Variants in GINS4 observed in about 807,000 individuals in gnomAD.
GINS4 encodes DNA replication complex GINS protein SLD5.
In GINS4, 20 loss-of-function variants were observed where a neutral mutation model predicts 31.1. The observed-to-expected ratio is 0.64, with a 90% CI of 0.45 to 0.93. GINS4 has a LOEUF of 0.93. Among genes scored for constraint, GINS4 ranks in the 40% least tolerant of loss-of-function variants. GINS4 has a pLI of 0.00. For synonymous variants in GINS4, 85 were observed against 97.9 expected, an observed-to-expected ratio of 0.87 and a Z score of 0.78; for missense variants, 245 against 273.9, an observed-to-expected ratio of 0.89 and a Z score of 0.75.
Position 41,539,930 on chromosome 8 carries a change from C to T in GINS4, c.410C>T (p.Thr137Ile). Residue 137 changes from threonine to isoleucine, a missense_variant, in exon 6 of 8, where the codon ACA becomes ATA. Coordinates refer to ENST00000276533, the MANE Select transcript of GINS4 (RefSeq NM_032336.3). ...LAFAREFMAN[T>I]ESYLKNVALK... ...ATGTCTTTCAGGTTCATGGCGAACA[C>T]AGAGTCCTATCTGAAAAATGTCGCC... 1.2e-6 allele frequency: 2 copies of T among 1,614,130 alleles called. No individual in the cohort carries two copies. Among genetic ancestry groups the T allele is most frequent in the Non-Finnish European group, 1.7e-6 (2 of 1,179,960 alleles).
chr8:41,530,208 C>G lies in GINS4; in HGVS notation c.6C>G (p.Thr2=), dbSNP rs147814759. The change falls in exon 2 of 8, where the codon ACC becomes ACG. Residue 2 remains threonine (T), a synonymous_variant. Coordinates refer to ENST00000276533, the MANE Select transcript of GINS4 (RefSeq NM_032336.3). M[T]EEVDFLGQDS... Reference sequence around the variant, plus strand: ...GGTTCCTGGTTTCAGAGAAGATGACCGAAGAAGTGGATTTCCTGGGACAGG... The same window carrying G: ...GGTTCCTGGTTTCAGAGAAGATGACGGAAGAAGTGGATTTCCTGGGACAGG... The G allele has an allele frequency of 6.2e-7, 1 of 1,612,372 alleles. No homozygotes were observed. The highest frequency in any genetic ancestry group is 1.1e-5 in the South Asian group (1 of 91,018).
At chr8:41,530,319 C>T (rs1563428699) in intron 2 of GINS4, 21 bp downstream of exon 2, 1 of 1,542,640 alleles carries the variant, frequency 6.5e-7, no homozygotes, top group East Asian at 2.3e-5. Flanking sequence ...CAGATCGAAT[C>T]CCTTTGCTCC....
rs1057373345 is a variant in GINS4, at chr8:41,544,854, T to C, written c.*2767T>C. ...AGTTGCTGCTGGCCCGGGGACCACA[T>C]TGAATGACGGCTCTACGTCCTCATG... On this transcript the variant is annotated 3_prime_UTR_variant, in exon 8 of 8. Coordinates refer to ENST00000276533, the MANE Select transcript of GINS4 (RefSeq NM_032336.3). 3 of 152,202 alleles carry C rather than the reference T, an allele frequency of 2.0e-5. No homozygotes were observed. Among genetic ancestry groups the C allele is most frequent in the Non-Finnish European group, 2.9e-5 (2 of 68,048 alleles). 9.4% of individuals were successfully genotyped at this position (152,202 alleles called of 1,614,324 possible).
intron 2 of GINS4, 99 bp from the exon 3 acceptor site, chr8:41,536,261 C>G: frequency 1.3e-6 from 1 of 768,660 alleles, no homozygotes; most frequent in Middle Eastern, 2.8e-4. Flanking sequence ...AGTTTTCTTG[C>G]CTGCGCCATC....
intron 2 of GINS4, among the ~76,000 whole-genome samples, chr8:41,535,417 TATG>T (rs924180839): frequency 6.6e-6 from 1 of 151,998 alleles, no homozygotes; most frequent in African/African-American, 2.4e-5. Context: ...CTCCAGAAAA[TATG>T]ATGTTTTCCC....
At chr8:41,530,648 G>A (rs2150456661) in intron 2 of GINS4, among the ~76,000 whole-genome samples, 1 of 152,306 alleles carries the variant, frequency 6.6e-6, no homozygotes, top group African/African-American at 2.4e-5. Context: ...GAGAATGCCT[G>A]TTTAGCAAGA....
At chr8:41,531,486 T>C (rs578222583) in intron 2 of GINS4, among the ~76,000 whole-genome samples, 1 of 152,324 alleles carries the variant, frequency 6.6e-6, no homozygotes, top group South Asian at 2.1e-4. Flanking sequence ...TTAGTATTCT[T>C]CATTCTTCCC....
chr8:41,533,899 CGT>C (rs933124104), intron 2 of GINS4, among the ~76,000 whole-genome samples: 1 of 152,132 alleles, frequency 6.6e-6, no homozygotes, highest in African/African-American at 2.4e-5. Flanking sequence ...TCTTCCCTCT[CGT>C]GTGTGTCTGT....
rs768134148 is a variant in GINS4 at position 41,537,304 on chromosome 8, G to A, written c.297+11G>A. 4.5e-6 allele frequency: 7 copies of A among 1,551,210 alleles called. No homozygotes were observed. The highest frequency in any genetic ancestry group is 1.8e-6 in the Non-Finnish European group (2 of 1,125,246). ...TGTCGCCTCATGAAGGTTTGACGTG[G>A]AGATACCTGGAGGGATTGAGACAGC... On this transcript the variant is annotated intron_variant, in intron 4 of 7. Coordinates refer to ENST00000276533, the MANE Select transcript of GINS4 (RefSeq NM_032336.3).
rs777017830 is a variant in GINS4, at chr8:41,539,947, A to T, written c.427A>T (p.Asn143Tyr). ...FMANTESYLK[N>Y]VALKHMPPNL... ...GGCGAACACAGAGTCCTATCTGAAA[A>T]ATGTCGCCTTGAAGCACATGCCCCC... The change falls in exon 6 of 8, where the codon AAT becomes TAT. Residue 143 changes from asparagine to tyrosine, a missense_variant. Physicochemically the swap from Asn to Tyr is moderately radical, Grantham distance 143 (BLOSUM62 -2). Transcript: ENST00000276533. The T allele has an allele frequency of 5.0e-6, 8 of 1,614,034 alleles. No homozygotes were observed. The highest frequency in any genetic ancestry group is 5.9e-6 in the Non-Finnish European group (7 of 1,180,014).
rs560192628 is a variant in GINS4 at position 41,544,386 on chromosome 8, C to G, written c.*2299C>G. ...TAGTGGTAAGCCTGAGATCAGAACC[C>G]AAGTCTGCACTTCCTAGTCACGTTC... On this transcript the variant is annotated 3_prime_UTR_variant, in exon 8 of 8. Coordinates refer to ENST00000276533, the MANE Select transcript of GINS4 (RefSeq NM_032336.3). 1 of 152,328 alleles carries G rather than the reference C, an allele frequency of 6.6e-6. No individual in the cohort carries two copies. Among genetic ancestry groups the G allele is most frequent in the African/African-American group, 2.4e-5 (1 of 41,558 alleles). The allele number at this position is 152,328 out of a possible 1,614,324, so 9.4% of individuals were successfully genotyped here.
chr8:41,534,748 T>G (rs1806710994), intron 2 of GINS4, among the ~76,000 whole-genome samples: 1 of 151,992 alleles, frequency 6.6e-6, no homozygotes, highest in Non-Finnish European at 1.5e-5. Context: ...CTTTTTTTTT[T>G]TTGAGATGGA....
chr8:41,537,584 T>G (rs1013524489), intron 4 of GINS4: 3 of 287,908 alleles, frequency 1.0e-5, no homozygotes, highest in Non-Finnish European at 2.0e-5. Flanking sequence ...AAGGGAGAGT[T>G]GTTGGCATTG....
chr8:41,534,417 TAA>T (rs770382527), intron 2 of GINS4: 218 of 146,040 alleles, frequency 1.5e-3, no homozygotes, highest in South Asian at 9.5e-3. Flanking sequence ...AAACCTGAGT[TAA>T]AAAAAAAAAA....
chr8:41,536,947 C>T (rs1050069767), intron 3 of GINS4: 10 of 497,444 alleles, frequency 2.0e-5, no homozygotes, highest in Admixed American at 9.9e-5. Context: ...TGTACTATCT[C>T]CCTTACAATC....
intron 6 of GINS4, chr8:41,540,441 C>G (rs1184356633): frequency 1.0e-5 from 2 of 199,422 alleles, no homozygotes; most frequent in East Asian, 3.1e-4. Flanking sequence ...AAACAGGAGG[C>G]TAGGGAGACC....
chr8:41,540,078 T>C (rs980768354), intron 6 of GINS4, 74 bp downstream of exon 6: 1 of 1,049,116 alleles, frequency 9.5e-7, no homozygotes, highest in Non-Finnish European at 1.5e-6. Context: ...CTCTTCACTG[T>C]TTTTACCCAA....
rs1327461983 is a variant in GINS4, at chr8:41,529,280, C to T, written c.-136C>T. The T allele has an allele frequency of 1.3e-5, 2 of 152,492 alleles. No individual in the cohort carries two copies. The highest frequency in any genetic ancestry group is 2.4e-5 in the African/African-American group (1 of 41,458). 9.4% of individuals were successfully genotyped at this position (152,492 alleles called of 1,614,324 possible). A position where few individuals can be genotyped will look rare whatever the true frequency, so the allele number is the denominator to read the frequency against. On this transcript the variant is annotated 5_prime_UTR_variant, in exon 1 of 8. Coordinates refer to ENST00000276533, the MANE Select transcript of GINS4 (RefSeq NM_032336.3). ...AGGGTTGAGTTGGTCCCGGCAAGTC[C>T]TTGAGCAGTTTGTTCCTCTGTCTTC...
At position 41,536,438 on chromosome 8, in the gene GINS4, G is replaced by A. The variant is rs374321820; in HGVS notation, c.175G>A (p.Glu59Lys). Reference sequence around the variant, plus strand: ...TGTAGAATGTGTCATGGAACAGCTGGAGCACATGGTAAGAGTCGCTTGTCT... The same window carrying A: ...TGTAGAATGTGTCATGGAACAGCTGAAGCACATGGTAAGAGTCGCTTGTCT... Reference protein sequence around the residue: ...EIVECVMEQLEHMEENLRRAK... With the variant: ...EIVECVMEQLKHMEENLRRAK... The change falls in exon 3 of 8, where the codon GAG becomes AAG. Residue 59 changes from glutamate to lysine, a missense_variant. Glu to Lys is a moderately conservative substitution (Grantham distance 56). Transcript: ENST00000276533. 6.5e-5 allele frequency: 104 copies of A among 1,600,904 alleles called. No individual in the cohort carries two copies. The highest frequency in any genetic ancestry group is 8.3e-5 in the Admixed American group (5 of 59,984).
Sources: gnomAD v4.1 joint callset for allele counts (sites outside exome capture counted in the v4.1 genomes callset) on GRCh38, gnomAD v4.1.1 for gene constraint, MANE v1.5 for transcripts, NCBI Gene and HGNC (gene_info 2026-07-23, HGNC 2026-07-21) for gene names.